The following SGCD variants were observed in gnomAD, a reference collection of about 807,000 sequenced individuals.
SGCD encodes sarcoglycan delta.
A neutral mutation model predicts 36.6 loss-of-function variants in SGCD; 18 were observed. The ratio of observed to expected loss-of-function variants is 0.49; its 90% confidence interval spans 0.34 to 0.73. The LOEUF (loss-of-function observed/expected upper bound fraction) is 0.73. Ranked by LOEUF, SGCD falls within the 30% of genes least tolerant of loss-of-function variation. The pLI, the probability that SGCD is intolerant of heterozygous loss-of-function variation, is 0.01. For synonymous variants in SGCD, 133 were observed against 130.6 expected (o/e 1.02, Z -0.12); for missense variants, 387 against 346.7 (o/e 1.12, Z -0.92).
chr5:156,261,978 G>A (rs1581203107), intron 3 of SGCD, among the ~76,000 whole-genome samples: 2 of 152,128 alleles, frequency 1.3e-5, no homozygotes, highest in East Asian at 3.8e-4. Flanking sequence ...CAAACTAAGT[G>A]TCATTAAGAA....
chr5:156,587,857 C>G (rs1760558748), intron 4 of SGCD, among the ~76,000 whole-genome samples: 1 of 151,848 alleles, frequency 6.6e-6, no homozygotes, highest in Admixed American at 6.6e-5. Flanking sequence ...TCCGAAATCA[C>G]TCTTGCTATT....
intron 7 of SGCD, among the ~76,000 whole-genome samples, chr5:156,707,918 G>A (rs971283101): frequency 1.3e-5 from 2 of 152,156 alleles, no homozygotes; most frequent in Non-Finnish European, 2.9e-5. Flanking sequence ...GACTATGTCA[G>A]TGTTTCCCAA....
chr5:156,364,819 A>G (rs1323904488), intron 3 of SGCD, among the ~76,000 whole-genome samples: 1 of 152,190 alleles, frequency 6.6e-6, no homozygotes, highest in East Asian at 1.9e-4. Context: ...AACTTTTTCC[A>G]AATAAGTATC....
intron 3 of SGCD, among the ~76,000 whole-genome samples, chr5:156,210,744 G>A (rs1764417860): frequency 6.6e-6 from 1 of 151,684 alleles, no homozygotes; most frequent in African/African-American, 2.4e-5. Flanking sequence ...TTACAGACAA[G>A]TTATTTGAAA....
At position 156,526,298 on chromosome 5, in the gene SGCD, C is replaced by T. The variant is rs559738789; in HGVS notation, c.294+17596C>T. Among the ~76,000 whole-genome samples the T allele has an allele frequency of 3.5e-4, 53 of 152,220 alleles. No individual in the cohort carries two copies. The South Asian group carries it at 9.1e-3, about 26-fold the overall frequency. On this transcript the variant is annotated intron_variant, in intron 4 of 8. Transcript: ENST00000337851. ...GAGAACTATCATGGGATGGCAGACA[C>T]GCACACAGTCTGAATAGGTTCCATT...
At chr5:156,313,566 CATT>C (rs766835504) in intron 3 of SGCD, among the ~76,000 whole-genome samples, 3 of 152,032 alleles carry the variant, frequency 2.0e-5, no homozygotes, top group Non-Finnish European at 4.4e-5. Flanking sequence ...AACCACAAAA[CATT>C]ATATCCATAA....
At chr5:156,215,666 A>C (rs1188170150) in intron 3 of SGCD, among the ~76,000 whole-genome samples, 1 of 152,192 alleles carries the variant, frequency 6.6e-6, no homozygotes, top group East Asian at 1.9e-4. Context: ...CTATTATCAA[A>C]ATGATGAAAG....
chr5:155,788,375 C>A, the SGCD span, among the ~76,000 whole-genome samples: 2 of 152,166 alleles, frequency 1.3e-5, no homozygotes, highest in African/African-American at 4.8e-5. Flanking sequence ...GAATGTAAAT[C>A]TTTTTAGTCT....
chr5:156,578,632 C>T (rs1448427421), intron 4 of SGCD, among the ~76,000 whole-genome samples: 1 of 151,980 alleles, frequency 6.6e-6, no homozygotes, highest in Non-Finnish European at 1.5e-5. Flanking sequence ...TTCTTCCTGG[C>T]TTAGTCTTGG....
intron 3 of SGCD, among the ~76,000 whole-genome samples, chr5:156,422,456 T>C (rs1178643104): frequency 1.3e-5 from 2 of 152,030 alleles, no homozygotes; most frequent in Non-Finnish European, 2.9e-5. Flanking sequence ...CATTCAAATA[T>C]AATTGATTGC....
chr5:155,788,163 T>C, the SGCD span, among the ~76,000 whole-genome samples: 1 of 152,154 alleles, frequency 6.6e-6, no homozygotes, highest in Non-Finnish European at 1.5e-5. Context: ...AATACACTTA[T>C]TGGGAAGATT....
chr5:155,763,922 CT>C, the SGCD span, among the ~76,000 whole-genome samples: 1 of 146,424 alleles, frequency 6.8e-6, no homozygotes, highest in Admixed American at 6.7e-5. Context: ...CTTTTTTCTT[CT>C]TTTGGAAGGA....
chr5:156,071,935 A>C (rs886547375), intron 1 of SGCD, among the ~76,000 whole-genome samples: 18 of 152,032 alleles, frequency 1.2e-4, no homozygotes, highest in African/African-American at 2.9e-4. Context: ...CTGTTTTATC[A>C]GAGACTAGGA....
intron 6 of SGCD, among the ~76,000 whole-genome samples, chr5:156,600,603 C>A (rs893738719): frequency 1.3e-5 from 2 of 152,068 alleles, no homozygotes; most frequent in African/African-American, 4.8e-5. Flanking sequence ...GATTCCAAGT[C>A]TTGGCTATTG....
chr5:156,579,557 G>C (rs1368211852), intron 4 of SGCD, among the ~76,000 whole-genome samples: 2 of 152,094 alleles, frequency 1.3e-5, no homozygotes, highest in African/African-American at 4.8e-5. Flanking sequence ...AATTCTCTTT[G>C]TAGGTCTCTA....
At chr5:156,242,271 C>G (rs888892898) in intron 3 of SGCD, among the ~76,000 whole-genome samples, 1 of 152,102 alleles carries the variant, frequency 6.6e-6, no homozygotes, top group African/African-American at 2.4e-5. Flanking sequence ...GGATAACATC[C>G]TTTAAGTAAT....
chr5:156,734,033 G>A (rs1243496078), intron 7 of SGCD, among the ~76,000 whole-genome samples: 2 of 152,056 alleles, frequency 1.3e-5, no homozygotes. Flanking sequence ...TTTTTGTAGT[G>A]GCTGGTAATG....
chr5:155,829,087 G>A, the SGCD span, among the ~76,000 whole-genome samples: 1 of 152,122 alleles, frequency 6.6e-6, no homozygotes, highest in Non-Finnish European at 1.5e-5. Flanking sequence ...CGAGAAGGCA[G>A]TTATTAAGTC....
chr5:156,163,189 A>G (rs1055899011), intron 3 of SGCD, among the ~76,000 whole-genome samples: 3 of 151,684 alleles, frequency 2.0e-5, no homozygotes, highest in African/African-American at 4.9e-5. Context: ...ACTTTCCCAA[A>G]TGAGGGATTA....
Sources: allele counts gnomAD v4.1 joint callset (sites outside exome capture counted in the v4.1 genomes callset), GRCh38; gene constraint gnomAD v4.1.1; transcripts MANE v1.5; gene names NCBI Gene and HGNC (gene_info 2026-07-23, HGNC 2026-07-21).